The following ZNF831 variants were observed in gnomAD, a reference collection of about 807,000 sequenced individuals.
ZNF831 encodes chromosome 20 open reading frame 174.
ZNF831 carries 59 observed loss-of-function variants against 95.8 expected under a neutral mutation model. That is an observed-to-expected ratio of 0.62 (90% CI 0.50 to 0.77). The LOEUF is 0.77. Among genes scored for constraint, ZNF831 ranks in the 30% least tolerant of loss-of-function variants. The pLI is 0.00. For synonymous variants in ZNF831, 961 were observed against 925.5 expected (o/e 1.04, Z -0.70); for missense variants, 2,205 against 2,164.0 (o/e 1.02, Z -0.38).
rs71183161 is a variant in ZNF831, at chr20:59,168,455, G to GTTTT, written c.-37+4264_-37+4267dup. On this transcript the variant is annotated intron_variant, in intron 1 of 5. Coordinates refer to ENST00000371030, the MANE Select transcript of ZNF831 (RefSeq NM_178457.3). ...TGCACTCACTTATTAGTGCGAGGAG[G>GTTTT]TTTTTTTTTTTTTTTTTTTGTAGAT... 2.1e-3 allele frequency among the ~76,000 whole-genome samples: 236 copies of GTTTT among 113,842 alleles called. 1 individual carries two copies. The highest frequency in any genetic ancestry group is 2.5e-3 in the African/African-American group (73 of 29,532). 74.7% of individuals were successfully genotyped at this position (113,842 alleles called of 152,430 possible).
chr20:59,200,605 A>G (rs771424976), intron 3 of ZNF831, among the ~76,000 whole-genome samples: 2 of 152,124 alleles, frequency 1.3e-5, no homozygotes, highest in Non-Finnish European at 2.9e-5. Flanking sequence ...GTTTCCTCCT[A>G]TCCTTTTGTA....
At chr20:59,184,164 T>C (rs969062870) in intron 1 of ZNF831, among the ~76,000 whole-genome samples, 3 of 152,206 alleles carry the variant, frequency 2.0e-5, no homozygotes, top group Non-Finnish European at 4.4e-5. Context: ...CTTAGGAACA[T>C]GCATTTAAGT....
At chr20:59,166,575 C>G (rs1314823130) in intron 1 of ZNF831, among the ~76,000 whole-genome samples, 2 of 152,248 alleles carry the variant, frequency 1.3e-5, no homozygotes, top group Middle Eastern at 3.4e-3. Context: ...CTCTCCTCCT[C>G]TCTCTCTCCC....
intron 1 of ZNF831, among the ~76,000 whole-genome samples, chr20:59,138,300 A>G (rs999977129): frequency 2.0e-5 from 3 of 152,142 alleles, no homozygotes; most frequent in Admixed American, 2.0e-4. Flanking sequence ...CTTCTGGGGC[A>G]TGACTGGGCT....
intron 4 of ZNF831, among the ~76,000 whole-genome samples, chr20:59,220,779 A>G (rs1423355317): frequency 6.6e-6 from 1 of 152,100 alleles, no homozygotes; most frequent in African/African-American, 2.4e-5. Context: ...TTAACCTTGG[A>G]AAGCCTAACG....
Position 59,193,172 on chromosome 20 carries a change from G to A in ZNF831, c.2153G>A (p.Gly718Glu), listed in dbSNP as rs1601372301. 3 of 1,575,498 alleles carry A rather than the reference G, an allele frequency of 1.9e-6. No individual in the cohort carries two copies. The highest frequency in any genetic ancestry group is 3.7e-5 in the Admixed American group (2 of 53,974). The change falls in exon 2 of 6, where the codon GGA (glycine) becomes GAA (glutamate). Residue 718 changes from glycine to glutamate, a missense_variant. Coordinates refer to ENST00000371030, the MANE Select transcript of ZNF831 (RefSeq NM_178457.3). ...CATGGGGAGACGGTGGCCAGGAGAG[G>A]AGACAGTGACCGACCCAGGGTGGAA... ...TKHGETVARR[G>E]DSDRPRVEEA...
At chr20:59,232,507 A>C (rs923996594) in intron 4 of ZNF831, among the ~76,000 whole-genome samples, 1 of 152,076 alleles carries the variant, frequency 6.6e-6, no homozygotes, top group African/African-American at 2.4e-5. Context: ...GGGACCCCCG[A>C]GACACTGGGC....
chr20:59,164,250 G>A lies in ZNF831; in HGVS notation c.-37+43G>A, dbSNP rs190581512. ...TGACATAAGCATATATAAAATGTCA[G>A]TTAAAAAAAAACTCTTTTACTCTAT... On this transcript the variant is annotated intron_variant, in intron 1 of 5. Coordinates refer to ENST00000371030, the MANE Select transcript of ZNF831 (RefSeq NM_178457.3). 2.0e-5 allele frequency among the ~76,000 whole-genome samples: 3 copies of A among 152,104 alleles called. No homozygotes were observed. The East Asian group carries it at 5.8e-4, about 29-fold the overall frequency.
chr20:59,132,400 G>A (rs920536274), intron 1 of ZNF831, among the ~76,000 whole-genome samples: 1 of 150,932 alleles, frequency 6.6e-6, no homozygotes, highest in Non-Finnish European at 1.5e-5. Flanking sequence ...ACGATTAATC[G>A]CTGTGCCCAT....
chr20:59,214,024 G>C (rs1041410630), intron 4 of ZNF831, among the ~76,000 whole-genome samples: 3 of 152,098 alleles, frequency 2.0e-5, no homozygotes, highest in African/African-American at 7.2e-5. Context: ...TGAGAATCCT[G>C]CAAATCTATC....
chr20:59,183,885 AC>A (rs1472105432), intron 1 of ZNF831, among the ~76,000 whole-genome samples: 6 of 151,996 alleles, frequency 3.9e-5, no homozygotes, highest in African/African-American at 1.5e-4. Context: ...CAACTGGTGA[AC>A]CCACTGAGAG....
intron 4 of ZNF831, among the ~76,000 whole-genome samples, chr20:59,242,176 C>T (rs1420971420): frequency 2.0e-5 from 3 of 152,270 alleles, no homozygotes; most frequent in Non-Finnish European, 4.4e-5. Flanking sequence ...CATTTTTCCC[C>T]CCTCAGGATT....
chr20:59,195,239 G>A (rs1396188773), intron 2 of ZNF831, among the ~76,000 whole-genome samples: 4 of 152,172 alleles, frequency 2.6e-5, no homozygotes, highest in South Asian at 2.1e-4. Flanking sequence ...GAGAGAAAAG[G>A]GGGAAATGTG....
At chr20:59,238,440 C>A in intron 4 of ZNF831, among the ~76,000 whole-genome samples, 1 of 152,176 alleles carries the variant, frequency 6.6e-6, no homozygotes, top group South Asian at 2.1e-4. Flanking sequence ...ACCCCTCTGC[C>A]TGGGGTTGCT....
At chr20:59,245,881 C>A (rs1987571734) in intron 4 of ZNF831, among the ~76,000 whole-genome samples, 1 of 152,166 alleles carries the variant, frequency 6.6e-6, no homozygotes, top group Non-Finnish European at 1.5e-5. Context: ...ATCTCAGGAA[C>A]AGAAATGGAG....
chr20:59,254,910 C>A lies in ZNF831; in HGVS notation c.*167C>A. On this transcript the variant is annotated 3_prime_UTR_variant, in exon 6 of 6. Coordinates refer to ENST00000371030, the MANE Select transcript of ZNF831 (RefSeq NM_178457.3). This position sits in a 1 kb window ranked among gnomAD's most constrained non-coding sequence, Gnocchi z 4.5. ...ACTCCAACCAACTTCTGACCCCCAACTCAGCCGCAGCGTTCCCCAGCTCCC... is the reference window on the plus strand; with the variant it reads ...ACTCCAACCAACTTCTGACCCCCAAATCAGCCGCAGCGTTCCCCAGCTCCC... The A allele has an allele frequency of 1.1e-6, 1 of 902,400 alleles. No individual in the cohort carries two copies. 55.9% of individuals were successfully genotyped at this position (902,400 alleles called of 1,614,324 possible).
At chr20:59,148,679 C>CAAAAAAAAAAAAAA (rs35635821) in intron 2 of ZNF831, among the ~76,000 whole-genome samples, 2 of 16,214 alleles carry the variant, frequency 1.2e-4, no homozygotes, top group African/African-American at 3.5e-4. Context: ...AACTCCGTCT[C>CAAAAAAAAAAAAAA]AAAAAAAAAA....
In ZNF831 at chr20:59,256,297, G is replaced by A. The variant is rs1276881198; in HGVS notation, c.*1554G>A. ...TTCCCTGGTTACTTAGCATATATTT[G>A]TGACCATTTCATATGCACTCATAAA... On this transcript the variant is annotated 3_prime_UTR_variant, in exon 6 of 6. Transcript: ENST00000371030. 6.6e-6 allele frequency: 1 copy of A among 152,154 alleles called. No homozygotes were observed. Among genetic ancestry groups the A allele is most frequent in the Admixed American group, 6.5e-5 (1 of 15,274 alleles). 9.4% of individuals were successfully genotyped at this position (152,154 alleles called of 1,614,324 possible).
At chr20:59,134,158 T>A (rs1052144417) in intron 1 of ZNF831, among the ~76,000 whole-genome samples, 3 of 152,218 alleles carry the variant, frequency 2.0e-5, no homozygotes, top group African/African-American at 7.2e-5. Flanking sequence ...TCTTGCTGAA[T>A]GGTGGACAGA....
Sources: gnomAD v4.1 joint callset for allele counts (sites outside exome capture counted in the v4.1 genomes callset) on GRCh38, gnomAD v4.1.1 for gene constraint, Gnocchi (gnomAD v3.1) non-coding constraint, MANE v1.5 for transcripts, NCBI Gene and HGNC (gene_info 2026-07-23, HGNC 2026-07-21) for gene names.